The following INPP4B variants were observed in gnomAD, a reference collection of about 807,000 sequenced individuals.
The protein encoded by INPP4B is inositol polyphosphate-4-phosphatase type II B, also known as inositol polyphosphate 4-phosphatase type II.
Under a neutral mutation model 122.5 loss-of-function variants are expected in INPP4B, and 55 were observed. The ratio of observed to expected loss-of-function variants is 0.45; its 90% CI spans 0.36 to 0.56. The LOEUF (loss-of-function observed/expected upper bound fraction) is 0.56, where lower values mean the gene tolerates loss of function less well. Among genes scored for constraint, INPP4B ranks in the 20% least tolerant of loss-of-function variants. The probability of loss-of-function intolerance (pLI) is 0.00; values close to 1 mark genes in which losing one functional copy is unlikely to be tolerated. For synonymous variants in INPP4B, 403 were observed against 388.7 expected (o/e 1.04, Z -0.43); for missense variants, 1,000 against 1,097.7 (o/e 0.91, Z 1.26).
intron 2 of INPP4B, among the ~76,000 whole-genome samples, chr4:142,633,008 A>G (rs904387066): frequency 3.6e-4 from 55 of 151,912 alleles, no homozygotes; most frequent in African/African-American, 1.3e-3. Flanking sequence ...TTTAAAAAAC[A>G]TGTAAACTAT....
chr4:142,742,086 T>G (rs1202790400), intron 1 of INPP4B, among the ~76,000 whole-genome samples: 1 of 151,922 alleles, frequency 6.6e-6, no homozygotes, highest in African/African-American at 2.4e-5. Flanking sequence ...AAATAACAGA[T>G]TGACTCTTGG....
At chr4:142,829,956 T>C (rs1228381831) in intron 1 of INPP4B, among the ~76,000 whole-genome samples, 2 of 152,176 alleles carry the variant, frequency 1.3e-5, no homozygotes, top group Non-Finnish European at 2.9e-5. Context: ...AATTATACCA[T>C]TTTAATAACT....
chr4:142,271,708 A>T (rs1745940222), intron 9 of INPP4B, among the ~76,000 whole-genome samples: 1 of 152,212 alleles, frequency 6.6e-6, no homozygotes, highest in African/African-American at 2.4e-5. Flanking sequence ...AAAGATGAGA[A>T]GACCCTTCCA....
At chr4:142,382,258 CA>C (rs1356752084) in intron 7 of INPP4B, among the ~76,000 whole-genome samples, 2 of 151,664 alleles carry the variant, frequency 1.3e-5, no homozygotes, top group Non-Finnish European at 2.9e-5. Flanking sequence ...CCTGTAATCC[CA>C]ATACTTTGGG....
chr4:142,470,812 A>G (rs1386157160), intron 2 of INPP4B, among the ~76,000 whole-genome samples: 1 of 152,202 alleles, frequency 6.6e-6, no homozygotes, highest in Non-Finnish European at 1.5e-5. Flanking sequence ...CATTCTAGAG[A>G]AATAATCCTA....
chr4:142,430,444 AAAGAG>A (rs1425927597), intron 4 of INPP4B, among the ~76,000 whole-genome samples: 5 of 152,118 alleles, frequency 3.3e-5, no homozygotes, highest in Non-Finnish European at 7.4e-5. Flanking sequence ...ATGTAAATTA[AAAGAG>A]AAGGTTAGGC....
At position 142,828,908 on chromosome 4, in the gene INPP4B, A is replaced by G. The variant is rs140329560; in HGVS notation, c.-254+17301T>C. ...ATGTTGACTTGGATCCACTCTTCTC[A>G]GCTTTTCCACCATGCTCTCTGCCCT... On this transcript the variant is annotated intron_variant, in intron 1 of 25. Transcript: ENST00000262992. 3.9e-3 allele frequency among the ~76,000 whole-genome samples: 596 copies of G among 152,220 alleles called. 1 individual carries two copies. The highest frequency in any genetic ancestry group is 0.013 in the African/African-American group (551 of 41,534).
Position 142,553,875 on chromosome 4 carries a change from G to A in INPP4B, c.-190-91149C>T, listed in dbSNP as rs538866983. ...TCATTTCTCAATGAATGGCTGCACC[G>A]TCAGTCTTATTCCACTAGCTAAACA... On this transcript the variant is annotated intron_variant, in intron 2 of 25. Coordinates refer to ENST00000262992, the MANE Select transcript of INPP4B (RefSeq NM_001101669.3). 1.2e-4 allele frequency among the ~76,000 whole-genome samples: 19 copies of A among 152,170 alleles called. No homozygotes were observed. The South Asian group carries it at 1.9e-3, about 15-fold the overall frequency.
intron 2 of INPP4B, among the ~76,000 whole-genome samples, chr4:142,683,310 C>A (rs565259231): frequency 5.9e-5 from 9 of 151,870 alleles, no homozygotes; most frequent in African/African-American, 1.7e-4. Context: ...AACAGTGGAA[C>A]AAAACAAAGT....
rs540383807 is a variant in INPP4B at position 142,386,325 on chromosome 4, T to C, written c.372+16613A>G. On this transcript the variant is annotated intron_variant, in intron 7 of 25. Coordinates refer to ENST00000262992, the MANE Select transcript of INPP4B (RefSeq NM_001101669.3). The stretch of plus-strand genomic sequence containing the variant: ...TATCTTAGCTATTGTGAATAATCTA[T>C]TGTGATAATGCTACAATGAGCATGG... 4.6e-5 allele frequency among the ~76,000 whole-genome samples: 7 copies of C among 152,294 alleles called. No homozygotes were observed. In the South Asian group the frequency reaches 1.2e-3, roughly 27 times the overall value.
At chr4:142,681,469 G>A (rs140663463) in intron 2 of INPP4B, among the ~76,000 whole-genome samples, 2 of 151,912 alleles carry the variant, frequency 1.3e-5, no homozygotes, top group South Asian at 2.1e-4. Context: ...GAAGTACAAG[G>A]CAGAAAAGGT....
intron 22 of INPP4B, among the ~76,000 whole-genome samples, chr4:142,111,711 T>C (rs1322704168): frequency 2.0e-5 from 3 of 151,942 alleles, no homozygotes; most frequent in Non-Finnish European, 2.9e-5. Flanking sequence ...CCATGTAAGA[T>C]GTAAAAATAA....
intron 2 of INPP4B, among the ~76,000 whole-genome samples, chr4:142,581,404 T>C (rs1300803636): frequency 6.6e-6 from 1 of 152,006 alleles, no homozygotes; most frequent in East Asian, 1.9e-4. Context: ...TAATAGGTTA[T>C]TGATTGATAT....
intron 1 of INPP4B, among the ~76,000 whole-genome samples, chr4:142,775,966 T>G (rs1454224182): frequency 1.3e-5 from 2 of 152,288 alleles, no homozygotes; most frequent in South Asian, 4.1e-4. Flanking sequence ...ATACAATGTT[T>G]CATTTTAGCC....
intron 2 of INPP4B, among the ~76,000 whole-genome samples, chr4:142,550,315 T>C (rs984992665): frequency 2.0e-5 from 3 of 152,170 alleles, no homozygotes; most frequent in African/African-American, 4.8e-5. Flanking sequence ...GGAAGACAAA[T>C]TGATATTCTC....
intron 2 of INPP4B, among the ~76,000 whole-genome samples, chr4:142,633,978 A>G (rs933822207): frequency 6.6e-6 from 1 of 151,720 alleles, no homozygotes; most frequent in Non-Finnish European, 1.5e-5. Flanking sequence ...GTGAGCAGTG[A>G]TCACACCGCT....
intron 2 of INPP4B, among the ~76,000 whole-genome samples, chr4:142,584,496 T>A (rs191366278): frequency 1.3e-5 from 2 of 152,248 alleles, no homozygotes; most frequent in Admixed American, 1.3e-4. Flanking sequence ...CTACGACAAG[T>A]TTTAGGACTG....
At chr4:142,818,501 C>T (rs1780404286) in intron 1 of INPP4B, among the ~76,000 whole-genome samples, 1 of 151,954 alleles carries the variant, frequency 6.6e-6, no homozygotes, top group Admixed American at 6.6e-5. Context: ...AACAGAATTA[C>T]AATTTCTGTA....
chr4:142,629,268 T>G (rs529404824), intron 2 of INPP4B, among the ~76,000 whole-genome samples: 1 of 152,104 alleles, frequency 6.6e-6, no homozygotes, highest in Non-Finnish European at 1.5e-5. Flanking sequence ...AAAACACCAG[T>G]TTTCATTTAC....
Sources: gnomAD v4.1 joint callset for allele counts (sites outside exome capture counted in the v4.1 genomes callset) on GRCh38, gnomAD v4.1.1 for gene constraint, MANE v1.5 for transcripts, NCBI Gene and HGNC (gene_info 2026-07-23, HGNC 2026-07-21) for gene names.